The following ARHGAP12 variants were observed in gnomAD, a reference collection of about 807,000 sequenced individuals.
The protein encoded by ARHGAP12 is Rho GTPase activating protein 12, also known as rho GTPase-activating protein 12.
ARHGAP12 carries 64 observed loss-of-function variants against 108.6 expected under a neutral mutation model. The ratio of observed to expected loss-of-function variants is 0.59; its 90% CI spans 0.48 to 0.73. ARHGAP12 has a LOEUF of 0.73. ARHGAP12 is among the 30% of genes least tolerant of loss of function. The pLI is 0.00. For missense variants in ARHGAP12, 940 were observed against 1,005.9 expected, an observed-to-expected ratio of 0.93 and a Z score of 0.89; for synonymous variants, 312 against 337.2, an observed-to-expected ratio of 0.93 and a Z score of 0.82.
At position 31,901,377 on chromosome 10, in the gene ARHGAP12, C is replaced by T. The variant is rs150217188; in HGVS notation, c.684+6795G>A. 3.4e-3 allele frequency among the ~76,000 whole-genome samples: 511 copies of T among 150,964 alleles called. 5 individuals carry two copies. The highest frequency in any genetic ancestry group is 0.011 in the African/African-American group (472 of 41,224). Reference sequence around the variant, plus strand: ...TGAAACCCCATCTCTACTAAAAATACAAAAAAATTAGCTGGGAATGGTGGT... The same window carrying T: ...TGAAACCCCATCTCTACTAAAAATATAAAAAAATTAGCTGGGAATGGTGGT... On this transcript the variant is annotated intron_variant, in intron 3 of 19. Coordinates refer to ENST00000344936, the MANE Select transcript of ARHGAP12 (RefSeq NM_018287.7).
chr10:31,897,922 T>C (rs1445415460), intron 3 of ARHGAP12, among the ~76,000 whole-genome samples: 1 of 152,048 alleles, frequency 6.6e-6, no homozygotes, highest in Non-Finnish European at 1.5e-5. Flanking sequence ...GCCCAGGAGT[T>C]TGAGGCCAGC....
chr10:31,887,179 G>T (rs1181011992), intron 3 of ARHGAP12, among the ~76,000 whole-genome samples: 2 of 152,182 alleles, frequency 1.3e-5, no homozygotes, highest in South Asian at 2.1e-4. Context: ...AAGATCCAGG[G>T]AAGTGTTGCA....
rs560761490 is a variant in ARHGAP12 at position 31,887,104 on chromosome 10, G to A, written c.684+21068C>T. 7.9e-5 allele frequency among the ~76,000 whole-genome samples: 12 copies of A among 152,232 alleles called. No homozygotes were observed. The East Asian group carries it at 2.1e-3, about 27-fold the overall frequency. Reference sequence around the variant, plus strand: ...TATTTTAAGATGTATTTATTTTAAGGCATTACCTCATGTACTTGTGGAGGC... The same window carrying A: ...TATTTTAAGATGTATTTATTTTAAGACATTACCTCATGTACTTGTGGAGGC... On this transcript the variant is annotated intron_variant, in intron 3 of 19. Transcript: ENST00000344936.
chr10:31,834,431 T>C (rs147435086), intron 9 of ARHGAP12, among the ~76,000 whole-genome samples: 159 of 152,324 alleles, frequency 1.0e-3, no homozygotes, highest in Non-Finnish European at 1.4e-3. Flanking sequence ...GAACCATCTA[T>C]GAACCAGGAA....
At chr10:31,818,027 A>C in intron 12 of ARHGAP12, 141 bp from the exon 13 acceptor site, 4 of 612,180 alleles carry the variant, frequency 6.5e-6, no homozygotes. Context: ...AGGTTAAAGG[A>C]CTACACGGCT....
intron 3 of ARHGAP12, 126 bp from the exon 4 acceptor site, chr10:31,861,784 T>G: frequency 6.0e-6 from 5 of 838,692 alleles, no homozygotes; most frequent in Non-Finnish European, 8.7e-6. Flanking sequence ...GTGAATATAT[T>G]CTGAGGAAAT....
intron 3 of ARHGAP12, among the ~76,000 whole-genome samples, chr10:31,902,028 T>C (rs1838947980): frequency 6.6e-6 from 1 of 152,186 alleles, no homozygotes; most frequent in Non-Finnish European, 1.5e-5. Context: ...TTCCAGGGAT[T>C]AGGACCTATT....
chr10:31,916,089 C>T (rs868363890), intron 1 of ARHGAP12, among the ~76,000 whole-genome samples: 2 of 152,124 alleles, frequency 1.3e-5, no homozygotes, highest in African/African-American at 4.8e-5. Flanking sequence ...AAATACAACG[C>T]TGTCCAAGCA....
intron 3 of ARHGAP12, among the ~76,000 whole-genome samples, chr10:31,900,497 C>T (rs755760847): frequency 1.1e-4 from 17 of 152,128 alleles, no homozygotes; most frequent in South Asian, 2.1e-4. Flanking sequence ...AAGATCCATA[C>T]GATTAGATTA....
intron 13 of ARHGAP12, among the ~76,000 whole-genome samples, chr10:31,814,943 C>G (rs1438399508): frequency 6.6e-6 from 1 of 151,836 alleles, no homozygotes; most frequent in East Asian, 1.9e-4. Context: ...CATCATGAAA[C>G]CCCCTGCCTC....
intron 1 of ARHGAP12, among the ~76,000 whole-genome samples, chr10:31,912,525 G>T (rs939128704): frequency 3.3e-5 from 5 of 152,190 alleles, no homozygotes; most frequent in African/African-American, 1.2e-4. Flanking sequence ...GAGTTAGGGA[G>T]AAAGATAAAG....
chr10:31,926,345 A>AC (rs1485002812), intron 1 of ARHGAP12, among the ~76,000 whole-genome samples: 1 of 152,206 alleles, frequency 6.6e-6, no homozygotes, highest in Non-Finnish European at 1.5e-5. Flanking sequence ...AGAAAAAAAA[A>AC]AAAAACCACA....
intron 1 of ARHGAP12, among the ~76,000 whole-genome samples, chr10:31,927,982 C>T (rs2132519632): frequency 6.6e-6 from 1 of 152,322 alleles, no homozygotes; most frequent in East Asian, 1.9e-4. Flanking sequence ...AGCGAATGCA[C>T]GTCCATCCAG....
Position 31,809,266 on chromosome 10 carries a change from C to T in ARHGAP12, c.2092G>A (p.Ala698Thr), listed in dbSNP as rs1181779827. Reference sequence around the variant, plus strand: ...GCAAACCTTAGTTTCTGGATCACTGCGAGGTTGCCACTTACTCTGTATATC... The same window carrying T: ...GCAAACCTTAGTTTCTGGATCACTGTGAGGTTGCCACTTACTCTGTATATC... ...DGIYRVSGNLAVIQKLRFAVN... is the reference protein window; with the variant it reads ...DGIYRVSGNLTVIQKLRFAVN... The change falls in exon 17 of 20, where the codon GCA (alanine) becomes ACA (threonine). Residue 698 changes from alanine to threonine, a missense_variant. Ala to Thr is a moderately conservative substitution (Grantham distance 58). Coordinates refer to ENST00000344936, the MANE Select transcript of ARHGAP12 (RefSeq NM_018287.7). The T allele has an allele frequency of 5.6e-6, 9 of 1,613,820 alleles. No homozygotes were observed. Among genetic ancestry groups the T allele is most frequent in the South Asian group, 1.1e-5 (1 of 91,060 alleles).
chr10:31,915,493 TAGG>T (rs1412710415), intron 1 of ARHGAP12, among the ~76,000 whole-genome samples: 1 of 151,048 alleles, frequency 6.6e-6, no homozygotes, highest in Non-Finnish European at 1.5e-5. Flanking sequence ...CATAGTCAAA[TAGG>T]AGGAATAAAT....
chr10:31,869,409 C>T (rs774376893), intron 3 of ARHGAP12, among the ~76,000 whole-genome samples: 23 of 151,836 alleles, frequency 1.5e-4, no homozygotes, highest in South Asian at 1.0e-3. Context: ...TGGTGGTGGG[C>T]GCCTGTAATC....
At chr10:31,926,938 G>A (rs914808047) in intron 1 of ARHGAP12, among the ~76,000 whole-genome samples, 3 of 152,086 alleles carry the variant, frequency 2.0e-5, no homozygotes, top group Admixed American at 6.6e-5. Flanking sequence ...CTATACAGAC[G>A]GCATTATCTT....
intron 9 of ARHGAP12, 134 bp from the exon 10 acceptor site, chr10:31,831,934 C>T (rs768360549): frequency 3.9e-5 from 18 of 466,852 alleles, no homozygotes; most frequent in Non-Finnish European, 5.7e-5. Context: ...GTGTAACATG[C>T]GTAGTTCTAG....
At chr10:31,892,525 A>C (rs1017628675) in intron 3 of ARHGAP12, among the ~76,000 whole-genome samples, 2 of 152,344 alleles carry the variant, frequency 1.3e-5, no homozygotes, top group East Asian at 1.9e-4. Flanking sequence ...CATAATGGTA[A>C]AGGGATCAAT....
Sources: allele counts gnomAD v4.1 joint callset (sites outside exome capture counted in the v4.1 genomes callset), GRCh38; gene constraint gnomAD v4.1.1; transcripts MANE v1.5; gene names NCBI Gene and HGNC (gene_info 2026-07-23, HGNC 2026-07-21).